Variants in CBX7 observed in about 807,000 individuals in gnomAD.
The protein encoded by CBX7 is chromobox protein homolog 7.
In CBX7, 14 loss-of-function variants were observed where a neutral mutation model predicts 31.4. The observed-to-expected ratio is 0.45, with a 90% CI of 0.29 to 0.70. CBX7 has a LOEUF of 0.70. Among genes scored for constraint, CBX7 ranks in the 30% least tolerant of loss-of-function variants. The pLI, the probability that CBX7 is intolerant of heterozygous loss-of-function variation, is 0.11. For missense variants in CBX7, 269 were observed against 351.9 expected, an observed-to-expected ratio of 0.76 and a Z score of 1.89; for synonymous variants, 159 against 152.6, an observed-to-expected ratio of 1.04 and a Z score of -0.31.
Position 39,132,628 on chromosome 22 carries a change from C to T in CBX7, c.*1263G>A, listed in dbSNP as rs1207767647. 6.5e-6 allele frequency: 1 copy of T among 152,788 alleles called. No homozygotes were observed. The allele number at this position is 152,788 out of a possible 1,614,324, so 9.5% of individuals were successfully genotyped here. A position where few individuals can be genotyped will look rare whatever the true frequency, so the allele number is the denominator to read the frequency against. ...GAGAGGCACGGCAGAGGTCCCTCCA[C>T]AGGAATACAGCTCAGCCCCAGCTGT... On this transcript the variant is annotated 3_prime_UTR_variant, in exon 6 of 6. Coordinates refer to ENST00000216133, the MANE Select transcript of CBX7 (RefSeq NM_175709.5).
At chr22:39,140,271 C>T (rs1452478895) in intron 3 of CBX7, among the ~76,000 whole-genome samples, 6 of 152,180 alleles carry the variant, frequency 3.9e-5, no homozygotes, top group Non-Finnish European at 7.3e-5. Flanking sequence ...GGGAAAGTGT[C>T]CCTGGTGGAG....
At chr22:39,145,270 G>A (rs1361625365) in intron 2 of CBX7, among the ~76,000 whole-genome samples, 3 of 152,050 alleles carry the variant, frequency 2.0e-5, no homozygotes, top group Admixed American at 6.5e-5. Flanking sequence ...CGGTAAGGAG[G>A]ACGCCGCGCC....
intron 4 of CBX7, among the ~76,000 whole-genome samples, chr22:39,138,182 CA>C (rs1185254645): frequency 0.086 from 5,083 of 59,098 alleles, 64 homozygotes; most frequent in Non-Finnish European, 0.11. Context: ...GACTCCGTCT[CA>C]AAAAAAAAAA....
chr22:39,140,962 T>C (rs1930433535), intron 3 of CBX7, among the ~76,000 whole-genome samples: 1 of 152,218 alleles, frequency 6.6e-6, no homozygotes, highest in Non-Finnish European at 1.5e-5. Context: ...ACACCGTCTC[T>C]GATCTGTCAC....
intron 4 of CBX7, chr22:39,135,406 G>C (rs773821042): frequency 6.6e-6 from 1 of 152,250 alleles, no homozygotes; most frequent in Non-Finnish European, 1.5e-5. Flanking sequence ...TTGTAATGTC[G>C]GGATTTATCT....
rs184799933 is a variant in CBX7, at chr22:39,151,590, G to C, written c.69+786C>G. On this transcript the variant is annotated intron_variant, in intron 1 of 5. Coordinates refer to ENST00000216133, the MANE Select transcript of CBX7 (RefSeq NM_175709.5). ...GGAGACAAAGGAAGGACAGTAGTGCGTACCAGGAAAGGAACTTCTCCCCAA... is the reference window on the plus strand; with the variant it reads ...GGAGACAAAGGAAGGACAGTAGTGCCTACCAGGAAAGGAACTTCTCCCCAA... Among the ~76,000 whole-genome samples, 27 of 152,206 alleles carry C rather than the reference G, an allele frequency of 1.8e-4. 1 individual carries two copies. Among genetic ancestry groups the C allele is most frequent in the African/African-American group, 4.1e-4 (17 of 41,436 alleles).
intron 3 of CBX7, among the ~76,000 whole-genome samples, chr22:39,140,639 TA>T: frequency 6.6e-6 from 1 of 152,264 alleles, no homozygotes; most frequent in Non-Finnish European, 1.5e-5. Flanking sequence ...GAGGTTGCCA[TA>T]GGGGCCAAAT....
chr22:39,134,524 G>A lies in CBX7; in HGVS notation c.475C>T (p.Arg159Cys), dbSNP rs777103575. 22 of 1,611,806 alleles carry A rather than the reference G, an allele frequency of 1.4e-5. No individual in the cohort carries two copies. Among genetic ancestry groups the A allele is most frequent in the Admixed American group, 8.4e-5 (5 of 59,868 alleles). ...CTGTGGCTCTCCAGGTTGGGCCCGC[G>A]GGGCGGGAACTTCTTGCGCGAGAGC... ...LRLSRKKFPPRGPNLESHSHR... is the reference protein window; with the variant it reads ...LRLSRKKFPPCGPNLESHSHR... The change falls in exon 5 of 6, where the codon CGC (arginine) becomes TGC (cysteine). Residue 159 changes from arginine to cysteine, a missense_variant. Physicochemically the swap from Arg to Cys is radical, Grantham distance 180. Around this residue, in one of 2 missense-constraint regions of CBX7, gnomAD observed 222 missense variants for 240.4 expected, o/e 0.92. Transcript: ENST00000216133.
At chr22:39,146,291 G>GT (rs1348154338) in intron 2 of CBX7, among the ~76,000 whole-genome samples, 1 of 152,238 alleles carries the variant, frequency 6.6e-6, no homozygotes, top group African/African-American at 2.4e-5. Flanking sequence ...CCCAGGGAGC[G>GT]TAAAAGTCTG....
In CBX7 at chr22:39,134,704, C is replaced by G; in HGVS notation, c.295G>C (p.Glu99Gln). 6.3e-7 allele frequency: 1 copy of G among 1,577,204 alleles called. No homozygotes were observed. Among genetic ancestry groups the G allele is most frequent in the Non-Finnish European group, 8.6e-7 (1 of 1,160,208 alleles). ...LRSSHKAKGK[E>Q]KLCFSLTCPL... ...CACGTCAGGGAGAAGCAGAGCTTCT[C>G]CTTGCCCTTGGCCTTGTGGGAGCTC... The change falls in exon 5 of 6, where the codon GAG becomes CAG. Residue 99 changes from glutamate (E) to glutamine (Q), a missense_variant. This residue lies in a region of CBX7 where 222 missense variants were observed against 240.4 expected (regional missense o/e 0.92). Transcript: ENST00000216133.
intron 4 of CBX7, among the ~76,000 whole-genome samples, chr22:39,137,648 A>C (rs1248188820): frequency 6.6e-6 from 1 of 151,630 alleles, no homozygotes; most frequent in African/African-American, 2.4e-5. Flanking sequence ...CGCACATGGC[A>C]GCATTTTGGA....
rs370766411 is a variant in CBX7, at chr22:39,134,083, G to T, written c.599-35C>A. On this transcript the variant is annotated intron_variant, in intron 5 of 5. Coordinates refer to ENST00000216133, the MANE Select transcript of CBX7 (RefSeq NM_175709.5). Reference sequence around the variant, plus strand: ...CAGACACACAGATGGGGGCAGCGTTGACAAGGTGGGAAGCCATGCAGACCA... The same window carrying T: ...CAGACACACAGATGGGGGCAGCGTTTACAAGGTGGGAAGCCATGCAGACCA... 3.8e-6 allele frequency: 6 copies of T among 1,558,990 alleles called. No homozygotes were observed. The African/African-American group carries it at 8.2e-5, about 21-fold the overall frequency.
intron 2 of CBX7, among the ~76,000 whole-genome samples, chr22:39,145,843 C>A (rs1391253255): frequency 6.6e-6 from 1 of 151,842 alleles, no homozygotes; most frequent in Non-Finnish European, 1.5e-5. Flanking sequence ...GCCAAAGCCC[C>A]GCCGCGCAGG....
At chr22:39,141,183 G>T in intron 3 of CBX7, 188 bp downstream of exon 3, 1 of 544,512 alleles carries the variant, frequency 1.8e-6, no homozygotes, top group South Asian at 2.1e-5. Flanking sequence ...CAACAGGAAA[G>T]GGCCCCAGGG....
intron 3 of CBX7, chr22:39,141,023 A>C: frequency 3.8e-6 from 1 of 262,790 alleles, no homozygotes; most frequent in Non-Finnish European, 7.4e-6. Flanking sequence ...ATCTTTGTGA[A>C]GCATTTTAAC....
Position 39,139,963 on chromosome 22 carries a change from A to G in CBX7, c.180-1261T>C, listed in dbSNP as rs561556364. Among the ~76,000 whole-genome samples the G allele has an allele frequency of 8.8e-4, 134 of 152,174 alleles. 1 individual carries two copies. The highest frequency in any genetic ancestry group is 9.0e-4 in the Non-Finnish European group (61 of 67,988). ...AAAAAAAGCACAACTTGACAATGCC[A>G]CGAAGCTACACATGACACATAAGAC... On this transcript the variant is annotated intron_variant, in intron 3 of 5. Transcript: ENST00000216133.
Position 39,133,761 on chromosome 22 carries a change from ATCT to A in CBX7, c.*127_*129del, listed in dbSNP as rs2146348967. 1 of 883,554 alleles carries A rather than the reference ATCT, an allele frequency of 1.1e-6. No homozygotes were observed. The highest frequency in any genetic ancestry group is 3.2e-5 in the Admixed American group (1 of 30,930). 54.7% of individuals were successfully genotyped at this position (883,554 alleles called of 1,614,324 possible). The stretch of plus-strand genomic sequence containing the variant: ...GGGCAGGTGGTGGGAGAGTAGTGGG[ATCT>A]TCTCCCCTTTTGCTGCTCGGTATTT... On this transcript the variant is annotated 3_prime_UTR_variant, in exon 6 of 6. Coordinates refer to ENST00000216133, the MANE Select transcript of CBX7 (RefSeq NM_175709.5).
At position 39,134,010 on chromosome 22, in the gene CBX7, G is replaced by A; in HGVS notation, c.637C>T (p.Pro213Ser). 6.2e-7 allele frequency: 1 copy of A among 1,611,624 alleles called. No homozygotes were observed. The change falls in exon 6 of 6, where the codon CCT (proline) becomes TCT (serine). Residue 213 changes from proline (P) to serine (S), a missense_variant. Transcript: ENST00000216133. The part of the protein sequence containing the change: ...DLAEGPPPWT[P>S]ALPSSEVTVT... ...GTCACCTCACTTGAGGGGAGCGCAG[G>A]TGTCCAGGGAGGGGGCCCCTCGGCC... is the stretch of plus-strand genomic sequence containing the variant.
rs1166126445 is a variant in CBX7 at position 39,131,759 on chromosome 22, G to C, written c.*2132C>G. 1 of 152,298 alleles carries C rather than the reference G, an allele frequency of 6.6e-6. No homozygotes were observed. Among genetic ancestry groups the C allele is most frequent in the African/African-American group, 2.4e-5 (1 of 41,460 alleles). 9.4% of individuals were successfully genotyped at this position (152,298 alleles called of 1,614,324 possible). A position where few individuals can be genotyped will look rare whatever the true frequency, so the allele number is the denominator to read the frequency against. On this transcript the variant is annotated 3_prime_UTR_variant, in exon 6 of 6. Transcript: ENST00000216133. ...AGATTGCGCAAATAGTTCTTTGAAAGTGACCAGGAAGCAGGAAAAAGGTCC... is the reference window on the plus strand; with the variant it reads ...AGATTGCGCAAATAGTTCTTTGAAACTGACCAGGAAGCAGGAAAAAGGTCC...
Sources: allele counts gnomAD v4.1 joint callset (sites outside exome capture counted in the v4.1 genomes callset), GRCh38; gene constraint gnomAD v4.1.1; regional missense constraint gnomAD v4.1.1; transcripts MANE v1.5; gene names NCBI Gene and HGNC (gene_info 2026-07-23, HGNC 2026-07-21).